The following LRRC53 variants were observed in gnomAD, a reference collection of about 807,000 sequenced individuals.
The protein encoded by LRRC53 is leucine-rich repeat-containing protein 53.
LRRC53 carries 25 observed loss-of-function variants against 13.6 expected under a neutral mutation model. The observed-to-expected ratio is 1.83, with a 90% confidence interval of 1.34 to 2.56. The LOEUF (loss-of-function observed/expected upper bound fraction) is 2.56. LRRC53 is among the 30% of genes most tolerant of loss of function. LRRC53 has a pLI of 0.00. For missense variants in LRRC53, 527 were observed against 275.8 expected, an observed-to-expected ratio of 1.91 and a Z score of -6.45; for synonymous variants, 204 against 109.8, an observed-to-expected ratio of 1.86 and a Z score of -5.37.
the LRRC53 span, among the ~76,000 whole-genome samples, chr1:74,532,859 CA>C: frequency 6.6e-6 from 1 of 152,022 alleles, no homozygotes; most frequent in Non-Finnish European, 1.5e-5. Flanking sequence ...ACTGGCTAGC[CA>C]TATGTAGAAA....
chr1:74,529,181 G>C, the LRRC53 span, among the ~76,000 whole-genome samples: 1 of 152,090 alleles, frequency 6.6e-6, no homozygotes, highest in African/African-American at 2.4e-5. Context: ...TAATTACAAA[G>C]AGAAAAAGAG....
At chr1:74,524,768 AT>A in the LRRC53 span, among the ~76,000 whole-genome samples, 370 of 148,370 alleles carry the variant, frequency 2.5e-3, no homozygotes, top group Admixed American at 3.2e-3. Flanking sequence ...AAAAAAAAAA[AT>A]GAAAAAGAAA....
chr1:74,472,766 G>A (rs1349499646), intron 4 of LRRC53, among the ~76,000 whole-genome samples: 3 of 152,018 alleles, frequency 2.0e-5, no homozygotes, highest in Non-Finnish European at 4.4e-5. Flanking sequence ...AAATAAATAG[G>A]TATTTTGAAA....
At chr1:74,507,223 A>ACCCC (rs36051033) in intron 1 of LRRC53, among the ~76,000 whole-genome samples, 25 of 120,422 alleles carry the variant, frequency 2.1e-4, no homozygotes, top group Admixed American at 5.5e-4. Context: ...AAATTTCTTC[A>ACCCC]CCCCCCCCCC....
chr1:74,528,473 A>G, the LRRC53 span, among the ~76,000 whole-genome samples: 3 of 152,068 alleles, frequency 2.0e-5, no homozygotes, highest in African/African-American at 7.2e-5. Context: ...TGGGTAAAGG[A>G]GGATATTTGT....
intron 4 of LRRC53, among the ~76,000 whole-genome samples, chr1:74,473,586 T>C (rs79844776): frequency 0.012 from 1,809 of 152,118 alleles, 25 homozygotes; most frequent in African/African-American, 0.037. Context: ...AATTAACTTT[T>C]AGTAGACAGG....
At chr1:74,487,166 A>T (rs553663257) in intron 1 of LRRC53, among the ~76,000 whole-genome samples, 10 of 152,294 alleles carry the variant, frequency 6.6e-5, no homozygotes, top group African/African-American at 2.4e-4. Flanking sequence ...GTATGTCTGT[A>T]TGCTGGTGGA....
chr1:74,493,452 C>T (rs1669175754), intron 1 of LRRC53, among the ~76,000 whole-genome samples: 1 of 152,218 alleles, frequency 6.6e-6, no homozygotes, highest in Non-Finnish European at 1.5e-5. Context: ...AACATTCTTT[C>T]ATAGCTAGCT....
chr1:74,509,894 C>A (rs1388486370), intron 1 of LRRC53, among the ~76,000 whole-genome samples: 1 of 151,250 alleles, frequency 6.6e-6, no homozygotes, highest in Non-Finnish European at 1.5e-5. Flanking sequence ...GCTGGAACTA[C>A]AGGCATACGC....
At chr1:74,521,939 G>A in the LRRC53 span, among the ~76,000 whole-genome samples, 25 of 152,264 alleles carry the variant, frequency 1.6e-4, no homozygotes, top group African/African-American at 5.8e-4. Flanking sequence ...TTCTGGGGCT[G>A]CATCCAACTG....
the LRRC53 span, among the ~76,000 whole-genome samples, chr1:74,519,685 T>G: frequency 6.6e-6 from 1 of 152,160 alleles, no homozygotes; most frequent in Admixed American, 6.5e-5. Context: ...TCTTACAAAA[T>G]AACCCCACAG....
At chr1:74,518,874 C>CTTTTTTTTTTTTT in the LRRC53 span, among the ~76,000 whole-genome samples, 2 of 29,052 alleles carry the variant, frequency 6.9e-5, no homozygotes, top group Non-Finnish European at 1.2e-4. Flanking sequence ...TTTTTTTCCC[C>CTTTTTTTTTTTTT]TTTTTTTTTT....
chr1:74,476,990 A>G (rs1157172191), intron 3 of LRRC53, among the ~76,000 whole-genome samples: 2 of 152,114 alleles, frequency 1.3e-5, no homozygotes, highest in East Asian at 3.9e-4. Context: ...ATCTATTTTA[A>G]TTCATTTGCC....
chr1:74,511,339 C>T (rs531766212), intron 1 of LRRC53, among the ~76,000 whole-genome samples: 37 of 152,240 alleles, frequency 2.4e-4, no homozygotes, highest in African/African-American at 8.2e-4. Flanking sequence ...ACTACAGGCA[C>T]ACGTCACTAC....
chr1:74,514,373 A>G (rs1276785661), upstream of LRRC53, among the ~76,000 whole-genome samples: 6 of 152,220 alleles, frequency 3.9e-5, no homozygotes, highest in Non-Finnish European at 7.3e-5. Flanking sequence ...ATACACTTGC[A>G]CAGAAGTTCC....
At chr1:74,520,074 G>A in the LRRC53 span, among the ~76,000 whole-genome samples, 1 of 152,092 alleles carries the variant, frequency 6.6e-6, no homozygotes, top group Non-Finnish European at 1.5e-5. Context: ...CTTTAATGGT[G>A]ATTTGTGAGA....
At chr1:74,535,486 A>C in the LRRC53 span, among the ~76,000 whole-genome samples, 1 of 152,074 alleles carries the variant, frequency 6.6e-6, no homozygotes, top group Non-Finnish European at 1.5e-5. Flanking sequence ...AACAAACAAA[A>C]AAAGAATCAC....
At chr1:74,500,160 CTTTAT>C (rs1340522378) in intron 1 of LRRC53, among the ~76,000 whole-genome samples, 4 of 151,916 alleles carry the variant, frequency 2.6e-5, no homozygotes, top group Admixed American at 2.0e-4. Context: ...TATAATACCT[CTTTAT>C]TTTAATTTCC....
At chr1:74,478,379 T>C (rs951858064) in intron 3 of LRRC53, among the ~76,000 whole-genome samples, 2 of 152,218 alleles carry the variant, frequency 1.3e-5, no homozygotes, top group African/African-American at 4.8e-5. Flanking sequence ...ACAAAACTTT[T>C]GGAATCTTCT....
Sources: allele counts gnomAD v4.1 joint callset (sites outside exome capture counted in the v4.1 genomes callset), GRCh38; gene constraint gnomAD v4.1.1; transcripts MANE v1.5; gene names NCBI Gene and HGNC (gene_info 2026-07-23, HGNC 2026-07-21).